Variants in LGALS4 observed in about 807,000 individuals in gnomAD.
The protein encoded by LGALS4 is galectin-4.
Under a neutral mutation model 39.6 loss-of-function variants are expected in LGALS4, and 37 were observed. The ratio of observed to expected loss-of-function variants is 0.93; its 90% confidence interval spans 0.72 to 1.23. The LOEUF (loss-of-function observed/expected upper bound fraction) is 1.23, where lower values mean the gene tolerates loss of function less well. Ranked by LOEUF, LGALS4 falls within the 50% of genes most tolerant of loss-of-function variation. LGALS4 has a pLI of 0.00. For missense variants in LGALS4, 397 were observed against 433.2 expected (o/e 0.92, Z 0.74); for synonymous variants, 160 against 165.5 (o/e 0.97, Z 0.25).
chr19:38,808,154 T>C (rs2145357980), intron 3 of LGALS4, among the ~76,000 whole-genome samples: 1 of 139,508 alleles, frequency 7.2e-6, no homozygotes, highest in African/African-American at 2.7e-5. Context: ...TAAAATAAAA[T>C]AAAATAGGCA....
chr19:38,802,732 T>C (rs1971372599), intron 7 of LGALS4, among the ~76,000 whole-genome samples: 1 of 151,978 alleles, frequency 6.6e-6, no homozygotes, highest in South Asian at 2.1e-4. Context: ...GGCTGGAGTG[T>C]AGTGGCATAA....
At chr19:38,802,531 G>T in intron 7 of LGALS4, 127 bp from the exon 8 acceptor site, 1 of 694,858 alleles carries the variant, frequency 1.4e-6, no homozygotes, top group Non-Finnish European at 2.5e-6. Context: ...GTCTTACTCT[G>T]TCACCCAGGC....
intron 2 of LGALS4, among the ~76,000 whole-genome samples, chr19:38,811,530 T>C (rs912439511): frequency 1.3e-5 from 2 of 151,918 alleles, no homozygotes; most frequent in Non-Finnish European, 2.9e-5. Flanking sequence ...TGGTGGCACA[T>C]GTCTGTAGTC....
chr19:38,803,324 A>C, intron 7 of LGALS4, 198 bp downstream of exon 7: 1 of 618,872 alleles, frequency 1.6e-6, no homozygotes, highest in Non-Finnish European at 2.9e-6. Flanking sequence ...GCCCAAGAAC[A>C]AATTTTCTGA....
intron 1 of LGALS4, 161 bp from the exon 2 acceptor site, chr19:38,812,680 C>A: frequency 2.1e-6 from 2 of 945,294 alleles, no homozygotes; most frequent in South Asian, 1.4e-5. Flanking sequence ...TGGACACAGA[C>A]AGCCTGAGGT....
chr19:38,802,355 G>T lies in LGALS4; in HGVS notation c.620C>A (p.Thr207Asn), dbSNP rs772662808. ...AGGCACATAGCCCTTGATGATGATG[G>T]TTCTTCGAGCTGTGAGCCCTCCTTG... Reference protein sequence around the residue: ...RLQGGLTARRTIIIKGYVPPT... With the variant: ...RLQGGLTARRNIIIKGYVPPT... The change falls in exon 8 of 10, where the codon ACC becomes AAC. Residue 207 changes from threonine to asparagine, a missense_variant. By Grantham distance (65) the Thr-to-Asn change is moderately conservative (BLOSUM62 0). Coordinates refer to ENST00000307751, the MANE Select transcript of LGALS4 (RefSeq NM_006149.4). 1.2e-6 allele frequency: 2 copies of T among 1,614,098 alleles called. No individual in the cohort carries two copies. Among genetic ancestry groups the T allele is most frequent in the African/African-American group, 1.3e-5 (1 of 74,940 alleles).
At chr19:38,803,491 C>CA (rs1568349956) in intron 7 of LGALS4, 31 bp downstream of exon 7, 1 of 1,612,012 alleles carries the variant, frequency 6.2e-7, no homozygotes, top group Non-Finnish European at 8.5e-7. Flanking sequence ...GCCCCCTCCC[C>CA]ACCATCCATC....
chr19:38,803,429 A>C, intron 7 of LGALS4, 93 bp downstream of exon 7: 1 of 1,365,150 alleles, frequency 7.3e-7, no homozygotes, highest in Non-Finnish European at 1.0e-6. Context: ...TCCCACCCCA[A>C]AACCCTCAGC....
chr19:38,812,585 G>C (rs952254225), intron 1 of LGALS4, 66 bp from the exon 2 acceptor site: 11 of 1,453,236 alleles, frequency 7.6e-6, no homozygotes, highest in Admixed American at 1.7e-5. Context: ...ACCCCTCCCA[G>C]AAAAGCCCCC....
At chr19:38,802,479 C>G in intron 7 of LGALS4, 75 bp from the exon 8 acceptor site, 1 of 1,107,066 alleles carries the variant, frequency 9.0e-7, no homozygotes, top group Non-Finnish European at 1.4e-6. Flanking sequence ...TTTTCTTTTT[C>G]TTTTCTTTTC....
At chr19:38,810,329 A>AT (rs1870693742) in intron 2 of LGALS4, among the ~76,000 whole-genome samples, 2 of 65,846 alleles carry the variant, frequency 3.0e-5, no homozygotes, top group East Asian at 9.3e-4. Context: ...CTAATTTTGT[A>AT]TTTTCAGCAG....
intron 2 of LGALS4, 74 bp downstream of exon 2, chr19:38,812,357 C>T (rs1971503515): frequency 2.3e-6 from 3 of 1,318,202 alleles, no homozygotes; most frequent in Non-Finnish European, 3.3e-6. Flanking sequence ...GGGCAGAAAG[C>T]CCCCAACAGC....
intron 7 of LGALS4, chr19:38,803,059 G>A (rs1971379570): frequency 7.7e-6 from 1 of 129,768 alleles, no homozygotes; most frequent in South Asian, 2.5e-4. Flanking sequence ...TCTGTCACCA[G>A]GTTGGAGTAC....
chr19:38,805,382 G>C (rs1215956580), intron 4 of LGALS4, among the ~76,000 whole-genome samples: 1 of 151,790 alleles, frequency 6.6e-6, no homozygotes, highest in African/African-American at 2.4e-5. Context: ...CCCATGACTA[G>C]TCAAGCCCTT....
chr19:38,802,029 A>G lies in LGALS4; in HGVS notation c.788T>C (p.Ile263Thr). The change falls in exon 9 of 10, where the codon ATC becomes ACC. Residue 263 changes from isoleucine to threonine, a missense_variant. By Grantham distance (89) the Ile-to-Thr change is moderately conservative. Transcript: ENST00000307751. ...NGSWGSEEKK[I>T]THNPFGPGQF... Reference sequence around the variant, plus strand: ...TCCGGGACCAAATGGGTTGTGGGTGATCTTCTTCTCCTCGGATCCCCACGA... The same window carrying G: ...TCCGGGACCAAATGGGTTGTGGGTGGTCTTCTTCTCCTCGGATCCCCACGA... 1.2e-6 allele frequency: 2 copies of G among 1,614,210 alleles called. No individual in the cohort carries two copies. The highest frequency in any genetic ancestry group is 1.7e-6 in the Non-Finnish European group (2 of 1,180,024).
chr19:38,812,760 C>T, intron 1 of LGALS4, 82 bp downstream of exon 1: 1 of 1,505,718 alleles, frequency 6.6e-7, no homozygotes, highest in South Asian at 1.1e-5. Context: ...GATGGGGCCC[C>T]CCAGGATCAG....
chr19:38,805,695 G>A (rs1194657334), intron 4 of LGALS4, among the ~76,000 whole-genome samples: 3 of 152,108 alleles, frequency 2.0e-5, no homozygotes, highest in African/African-American at 7.2e-5. Flanking sequence ...TTGCAGTGAT[G>A]GGTCTGTCTT....
Position 38,812,455 on chromosome 19 carries a change from C to T in LGALS4, c.110G>A (p.Gly37Glu), listed in dbSNP as rs1971505192. 2 of 1,614,152 alleles carry T rather than the reference C, an allele frequency of 1.2e-6. No homozygotes were observed. Residue 37 changes from glycine to glutamate, a missense_variant, in exon 2 of 10, where the codon GGA becomes GAA. Physicochemically the swap from Gly to Glu is moderately conservative, Grantham distance 98. Coordinates refer to ENST00000307751, the MANE Select transcript of LGALS4 (RefSeq NM_006149.4). ...CCGCTTCATGTGCTCGCTGGCCACT[C>T]CTTGGATGTAAACAGACATTCCCAC... ...LNVGMSVYIQ[G>E]VASEHMKRFF...
At chr19:38,809,337 G>A (rs1015735504) in intron 2 of LGALS4, among the ~76,000 whole-genome samples, 3 of 151,632 alleles carry the variant, frequency 2.0e-5, no homozygotes, top group African/African-American at 4.8e-5. Flanking sequence ...GCACCACCAC[G>A]TCCGGCTAAT....
Sources: allele counts gnomAD v4.1 joint callset (sites outside exome capture counted in the v4.1 genomes callset), GRCh38; gene constraint gnomAD v4.1.1; transcripts MANE v1.5; gene names NCBI Gene and HGNC (gene_info 2026-07-23, HGNC 2026-07-21).